Variants in CEMIP2 observed in about 807,000 individuals in gnomAD.
CEMIP2 encodes the protein cell surface hyaluronidase CEMIP2.
CEMIP2 carries 79 observed loss-of-function variants against 146.9 expected under a neutral mutation model. That is an observed-to-expected ratio of 0.54 (90% confidence interval 0.45 to 0.65). The LOEUF (loss-of-function observed/expected upper bound fraction) is 0.65. Ranked by LOEUF, CEMIP2 falls within the 30% of genes least tolerant of loss-of-function variation. CEMIP2 has a pLI of 0.00. For missense variants in CEMIP2, 1,596 were observed against 1,696.2 expected (o/e 0.94, Z 1.04); for synonymous variants, 601 against 606.3 (o/e 0.99, Z 0.13).
chr9:71,764,297 T>C (rs1002465336), intron 1 of CEMIP2, among the ~76,000 whole-genome samples: 3 of 152,060 alleles, frequency 2.0e-5, no homozygotes, highest in Non-Finnish European at 4.4e-5. Flanking sequence ...AAAATATACA[T>C]AGTGTCTGCC....
chr9:71,740,079 A>G lies in CEMIP2; in HGVS notation c.1188T>C (p.Tyr396=). ...VDGQKFSVTA[Y]SEWIEGVSLS... ...CTTGCCTACCTTCAATCCATTCACT[A>G]TAAGCTGTCACAGAGAACTTCTGGC... The change falls in exon 5 of 24, where the codon TAT becomes TAC. Residue 396 remains tyrosine (Y), a synonymous_variant. Coordinates refer to ENST00000377044, the MANE Select transcript of CEMIP2 (RefSeq NM_013390.3). The G allele has an allele frequency of 6.2e-7, 1 of 1,614,038 alleles. No individual in the cohort carries two copies. Among genetic ancestry groups the G allele is most frequent in the Non-Finnish European group, 8.5e-7 (1 of 1,180,008 alleles).
chr9:71,692,285 A>G (rs981800346), intron 21 of CEMIP2, among the ~76,000 whole-genome samples: 10 of 146,676 alleles, frequency 6.8e-5, no homozygotes, highest in African/African-American at 2.6e-4. Context: ...TCTGGGGCAT[A>G]GCCTGCCTGA....
chr9:71,716,065 C>G (rs1199401485), intron 14 of CEMIP2, among the ~76,000 whole-genome samples: 2 of 152,076 alleles, frequency 1.3e-5, no homozygotes, highest in African/African-American at 4.8e-5. Flanking sequence ...AATTAAATGA[C>G]AAGCATATTT....
chr9:71,694,666 C>A, intron 20 of CEMIP2, 59 bp from the exon 21 acceptor site: 1 of 1,135,914 alleles, frequency 8.8e-7, no homozygotes, highest in East Asian at 2.4e-5. Flanking sequence ...AAAAGGTTCC[C>A]TCAATATAAA....
chr9:71,717,299 T>G lies in CEMIP2; in HGVS notation c.2399+649A>C, dbSNP rs374981762. Among the ~76,000 whole-genome samples the G allele has an allele frequency of 2.4e-4, 37 of 152,338 alleles. 2 individuals are homozygous for G. In the East Asian group the frequency reaches 4.6e-3, roughly 19 times the overall value. On this transcript the variant is annotated intron_variant, in intron 13 of 23. Transcript: ENST00000377044. Reference sequence around the variant, plus strand: ...ACAACTAGACTGTGGTATATGATTCTGAAGCCATTTCTACAGATTCAACAC... The same window carrying G: ...ACAACTAGACTGTGGTATATGATTCGGAAGCCATTTCTACAGATTCAACAC...
intron 1 of CEMIP2, among the ~76,000 whole-genome samples, chr9:71,755,245 T>C (rs147047778): frequency 6.7e-6 from 1 of 149,282 alleles, no homozygotes; most frequent in South Asian, 2.1e-4. Flanking sequence ...GCAAGGTGGC[T>C]CACACCTGTA....
chr9:71,701,423 T>A (rs1822558674), intron 18 of CEMIP2, among the ~76,000 whole-genome samples: 1 of 152,118 alleles, frequency 6.6e-6, no homozygotes, highest in South Asian at 2.1e-4. Context: ...TTCTTAGTTT[T>A]AAGAGGATTT....
rs7025890 is a variant in CEMIP2 at position 71,699,446 on chromosome 9, G to A, written c.3377+1196C>T. On this transcript the variant is annotated intron_variant, in intron 19 of 23. Transcript: ENST00000377044. ...AGCCTGGGCAACATAGGGATACACC[G>A]TCTCTTAAAAAAAAAAAAAGAAAGA... 1.1e-3 allele frequency: 408 copies of A among 355,734 alleles called. 3 individuals are homozygous for A. The African/African-American group carries it at 0.012, about 10-fold the overall frequency. 22.0% of individuals were successfully genotyped at this position (355,734 alleles called of 1,614,324 possible). A position where few individuals can be genotyped will look rare whatever the true frequency, so the allele number is the denominator to read the frequency against.
At position 71,750,214 on chromosome 9, in the gene CEMIP2, G is replaced by A. The variant is rs764170402; in HGVS notation, c.160C>T (p.Arg54Ter). ...AATGCGAAGGTTGCCCGGTCTTCTC[G>A]TCTGATGGAGGTAAATTTGGCTGAA... ...QASAKFTSIR[R>*]EDRATFAFSP... Residue 54 changes from arginine (R) to a stop codon, truncating the protein, a stop_gained, in exon 2 of 24, where the codon CGA (arginine) becomes TGA (stop). Transcript: ENST00000377044. LOFTEE classifies it high-confidence loss of function. 2.5e-6 allele frequency: 4 copies of A among 1,613,944 alleles called. No individual in the cohort carries two copies. Among genetic ancestry groups the A allele is most frequent in the Admixed American group, 3.3e-5 (2 of 59,986 alleles).
At chr9:71,706,146 T>C (rs1397007013) in intron 17 of CEMIP2, among the ~76,000 whole-genome samples, 1 of 151,726 alleles carries the variant, frequency 6.6e-6, no homozygotes, top group Non-Finnish European at 1.5e-5. Context: ...GGAGAATTGC[T>C]TGAACCTGGG....
chr9:71,701,550 G>C (rs1822562637), intron 18 of CEMIP2, among the ~76,000 whole-genome samples: 1 of 152,084 alleles, frequency 6.6e-6, no homozygotes, highest in African/African-American at 2.4e-5. Context: ...ATGGAGAGTG[G>C]AACTGTACAT....
At chr9:71,690,295 C>T in intron 21 of CEMIP2, 49 bp from the exon 22 acceptor site, 1 of 1,591,192 alleles carries the variant, frequency 6.3e-7, no homozygotes, top group Non-Finnish European at 8.6e-7. Flanking sequence ...TTGAGAACAT[C>T]TGCAGGATGA....
Position 71,693,169 on chromosome 9 carries a change from A to G in CEMIP2, c.3696+1340T>C, listed in dbSNP as rs553144066. ...GTAAAATTTAATTTTCTCCACATAT[A>G]TGTGGATTTGTGATTATGTTGCCCA... is the stretch of plus-strand genomic sequence containing the variant. On this transcript the variant is annotated intron_variant, in intron 21 of 23. Transcript: ENST00000377044. 6.6e-5 allele frequency among the ~76,000 whole-genome samples: 10 copies of G among 152,344 alleles called. No homozygotes were observed. The South Asian group carries it at 1.9e-3, about 28-fold the overall frequency.
rs1273128106 is a variant in CEMIP2, at chr9:71,728,295, A to ACGTG, written c.2049+1549_2049+1550insCACG. 6.0e-4 allele frequency among the ~76,000 whole-genome samples: 26 copies of ACGTG among 43,236 alleles called. 3 individuals carry two copies. The highest frequency in any genetic ancestry group is 2.3e-3 in the East Asian group (3 of 1,316). 28.4% of individuals were successfully genotyped at this position (43,236 alleles called of 152,430 possible). The stretch of plus-strand genomic sequence containing the variant: ...TATATATATATGTATATATATATAT[A>ACGTG]TATATACATATATATATATATACGT... On this transcript the variant is annotated intron_variant, in intron 10 of 23. Transcript: ENST00000377044.
intron 20 of CEMIP2, among the ~76,000 whole-genome samples, chr9:71,696,338 CAT>C (rs1435025216): frequency 2.6e-5 from 4 of 152,090 alleles, no homozygotes; most frequent in Non-Finnish European, 4.4e-5. Flanking sequence ...GGCAAGGAAT[CAT>C]ATAACTTTCA....
intron 1 of CEMIP2, among the ~76,000 whole-genome samples, chr9:71,763,766 A>T (rs532303469): frequency 3.9e-5 from 6 of 152,384 alleles, no homozygotes; most frequent in African/African-American, 1.4e-4. Context: ...AGATCAAAGG[A>T]CTGATTTGTT....
At chr9:71,768,026 T>G (rs1824851770) in intron 1 of CEMIP2, among the ~76,000 whole-genome samples, 1 of 152,134 alleles carries the variant, frequency 6.6e-6, no homozygotes, top group African/African-American at 2.4e-5. Context: ...AAAGGTCCAT[T>G]GTTCCCTTCC....
In CEMIP2 at chr9:71,704,584, C is replaced by G; in HGVS notation, c.3194+11G>C. The G allele has an allele frequency of 6.2e-7, 1 of 1,613,700 alleles. No homozygotes were observed. The highest frequency in any genetic ancestry group is 8.5e-7 in the Non-Finnish European group (1 of 1,179,632). On this transcript the variant is annotated intron_variant, in intron 18 of 23. Coordinates refer to ENST00000377044, the MANE Select transcript of CEMIP2 (RefSeq NM_013390.3). Reference sequence around the variant, plus strand: ...GCTCAACTATTTGAAATAACAGTAACAGAAACATACTTGTTGAAGTTGACG... The same window carrying G: ...GCTCAACTATTTGAAATAACAGTAAGAGAAACATACTTGTTGAAGTTGACG...
intron 10 of CEMIP2, among the ~76,000 whole-genome samples, chr9:71,729,430 T>C (rs924873096): frequency 3.3e-5 from 5 of 151,680 alleles, no homozygotes; most frequent in African/African-American, 1.2e-4. Context: ...CCATCCTAGC[T>C]AAAAAGGTGA....
Sources: gnomAD v4.1 joint callset for allele counts (sites outside exome capture counted in the v4.1 genomes callset) on GRCh38, gnomAD v4.1.1 for gene constraint, MANE v1.5 for transcripts, NCBI Gene and HGNC (gene_info 2026-07-23, HGNC 2026-07-21) for gene names.